Variants in PKNOX2 observed in about 807,000 individuals in gnomAD.
The protein encoded by PKNOX2 is PBX/knotted 1 homeobox 2.
PKNOX2 carries 14 observed loss-of-function variants against 53.1 expected under a neutral mutation model. The observed-to-expected ratio is 0.26, with a 90% confidence interval of 0.17 to 0.41. PKNOX2 has a LOEUF of 0.41. PKNOX2 is among the 10% of genes least tolerant of loss of function. PKNOX2 has a pLI of 1.00. For missense variants in PKNOX2, 496 were observed against 602.8 expected, an observed-to-expected ratio of 0.82 and a Z score of 1.85; for synonymous variants, 257 against 242.8, an observed-to-expected ratio of 1.06 and a Z score of -0.54.
chr11:125,284,015 G>A (rs1160836252), intron 2 of PKNOX2, among the ~76,000 whole-genome samples: 1 of 152,164 alleles, frequency 6.6e-6, no homozygotes, highest in Non-Finnish European at 1.5e-5. Context: ...AATTAGCTGT[G>A]CCACTCACAA....
intron 2 of PKNOX2, among the ~76,000 whole-genome samples, chr11:125,272,848 C>G (rs78906802): frequency 7.4e-4 from 112 of 152,296 alleles, no homozygotes; most frequent in African/African-American, 2.6e-3. Context: ...AGAGAATTGA[C>G]TTCTCCGCCT....
Position 125,422,143 on chromosome 11 carries a change from G to A in PKNOX2, c.937-6869G>A, listed in dbSNP as rs1408998185. Among the ~76,000 whole-genome samples, 2 of 152,154 alleles carry A rather than the reference G, an allele frequency of 1.3e-5. No individual in the cohort carries two copies. The highest frequency in any genetic ancestry group is 2.9e-5 in the Non-Finnish European group (2 of 68,022). Reference sequence around the variant, plus strand: ...CTATGATTCGTATTGGCCACAGGGAGTGACCCCTCGCTCCAAGTTGTTGTG... The same window carrying A: ...CTATGATTCGTATTGGCCACAGGGAATGACCCCTCGCTCCAAGTTGTTGTG... On this transcript the variant is annotated intron_variant, in intron 10 of 12. Transcript: ENST00000298282. The surrounding 1 kb of genome is among the most constrained non-coding windows in gnomAD (Gnocchi z 4.1).
intron 2 of PKNOX2, among the ~76,000 whole-genome samples, chr11:125,243,228 C>T (rs559215582): frequency 4.1e-4 from 62 of 152,308 alleles, no homozygotes; most frequent in African/African-American, 1.3e-3. Flanking sequence ...AACTCTGGGA[C>T]TTGTAGAGCA....
chr11:125,383,481 A>T (rs1953396913), intron 5 of PKNOX2, among the ~76,000 whole-genome samples: 2 of 148,482 alleles, frequency 1.3e-5, no homozygotes, highest in South Asian at 4.2e-4. Flanking sequence ...GTCAGGCATG[A>T]TGGCGGGAAC....
rs144756377 is a variant in PKNOX2, at chr11:125,418,130, T to C, written c.936+6265T>C. Among the ~76,000 whole-genome samples, 700 of 152,080 alleles carry C rather than the reference T, an allele frequency of 4.6e-3. 24 individuals are homozygous for C. Among genetic ancestry groups the C allele is most frequent in the African/African-American group, 0.015 (639 of 41,356 alleles). ...ATTTTCATCACCCCAAAAAGAAAGG[T>C]TGTACCCATTAGCCATCACTCCCCA... On this transcript the variant is annotated intron_variant, in intron 10 of 12. Transcript: ENST00000298282.
At chr11:125,419,615 C>A (rs1241763209) in intron 10 of PKNOX2, among the ~76,000 whole-genome samples, 3 of 151,752 alleles carry the variant, frequency 2.0e-5, no homozygotes, top group African/African-American at 7.3e-5. Flanking sequence ...ATTAGAGACC[C>A]ATTTTAAACT....
chr11:125,299,405 A>G (rs956427350), intron 2 of PKNOX2, among the ~76,000 whole-genome samples: 2 of 151,632 alleles, frequency 1.3e-5, no homozygotes, highest in African/African-American at 4.9e-5. Flanking sequence ...CTCCCTGGGC[A>G]CAAGACGAGG....
At chr11:125,203,191 C>T (rs1396386032) in intron 1 of PKNOX2, among the ~76,000 whole-genome samples, 1 of 152,146 alleles carries the variant, frequency 6.6e-6, no homozygotes, top group Non-Finnish European at 1.5e-5. Context: ...GATCATGGCT[C>T]ACTGCAGCCT....
intron 2 of PKNOX2, among the ~76,000 whole-genome samples, chr11:125,306,232 C>T (rs1948448081): frequency 6.6e-6 from 1 of 150,578 alleles, no homozygotes; most frequent in Middle Eastern, 3.4e-3. Context: ...TATGGGTCTG[C>T]CTCAGTAGGC....
chr11:125,255,980 T>C (rs1456604473), intron 2 of PKNOX2, among the ~76,000 whole-genome samples: 1 of 151,812 alleles, frequency 6.6e-6, no homozygotes, highest in African/African-American at 2.4e-5. Flanking sequence ...CATCAAAATC[T>C]GGAATCAGGA....
chr11:125,357,878 C>T (rs1313945217), intron 4 of PKNOX2, among the ~76,000 whole-genome samples: 1 of 152,238 alleles, frequency 6.6e-6, no homozygotes, highest in East Asian at 1.9e-4. Flanking sequence ...AGAGCTATTT[C>T]TTTCATCCAC....
chr11:125,297,039 A>G (rs920577240), intron 2 of PKNOX2, among the ~76,000 whole-genome samples: 3 of 152,236 alleles, frequency 2.0e-5, no homozygotes, highest in African/African-American at 7.2e-5. Context: ...GGCACATAGC[A>G]GGTGATGAAT....
chr11:125,329,094 AAAC>A (rs567830662), intron 2 of PKNOX2, among the ~76,000 whole-genome samples: 89 of 152,374 alleles, frequency 5.8e-4, no homozygotes, highest in Non-Finnish European at 1.1e-3. Flanking sequence ...GAAATAATCT[AAAC>A]AACAAATGTG....
At chr11:125,251,204 A>T (rs933034462) in intron 2 of PKNOX2, among the ~76,000 whole-genome samples, 1 of 151,904 alleles carries the variant, frequency 6.6e-6, no homozygotes, top group African/African-American at 2.4e-5. Context: ...AATTATGTTG[A>T]TTTTCTTCAT....
At chr11:125,268,799 T>C (rs1372783278) in intron 2 of PKNOX2, among the ~76,000 whole-genome samples, 4 of 151,972 alleles carry the variant, frequency 2.6e-5, no homozygotes, top group African/African-American at 9.7e-5. Flanking sequence ...AACCCACAAG[T>C]TGGCTGCATC....
At position 125,352,933 on chromosome 11, in the gene PKNOX2, C is replaced by T. The variant is rs571737736; in HGVS notation, c.87+1541C>T. ...CCCTTCCCTCTGTAGTTTCAGCTCC[C>T]GAGACAAAGTTCAGAAGGAGCCCTC... is the stretch of plus-strand genomic sequence containing the variant. On this transcript the variant is annotated intron_variant, in intron 4 of 12. Transcript: ENST00000298282. This position sits in a 1 kb window ranked among gnomAD's most constrained non-coding sequence, Gnocchi z 4.1. 7.2e-5 allele frequency among the ~76,000 whole-genome samples: 11 copies of T among 152,192 alleles called. No homozygotes were observed. Among genetic ancestry groups the T allele is most frequent in the African/African-American group, 1.2e-4 (5 of 41,504 alleles).
intron 1 of PKNOX2, among the ~76,000 whole-genome samples, chr11:125,228,319 G>A (rs745634141): frequency 2.0e-4 from 30 of 152,224 alleles, no homozygotes; most frequent in Non-Finnish European, 1.3e-4. Flanking sequence ...AAAGTCACAC[G>A]TGGCCCTTGG....
chr11:125,294,861 T>G (rs2135928479), intron 2 of PKNOX2, among the ~76,000 whole-genome samples: 1 of 152,314 alleles, frequency 6.6e-6, no homozygotes, highest in Middle Eastern at 3.4e-3. Flanking sequence ...ACCACCTGCC[T>G]CGCATGGAGT....
chr11:125,371,150 G>A (rs12273350), intron 5 of PKNOX2, among the ~76,000 whole-genome samples: 101,996 of 152,088 alleles, frequency 0.67, 35,244 homozygotes, highest in African/African-American at 0.82. Context: ...ATACCAGAGC[G>A]TCATCTGGAC....
Sources: allele counts gnomAD v4.1 joint callset (sites outside exome capture counted in the v4.1 genomes callset), GRCh38; gene constraint gnomAD v4.1.1; non-coding constraint Gnocchi (gnomAD v3.1); transcripts MANE v1.5; gene names NCBI Gene and HGNC (gene_info 2026-07-23, HGNC 2026-07-21).